Variants in GPC5 observed in about 807,000 individuals in gnomAD.
GPC5 encodes glypican-5.
A neutral mutation model predicts 53.9 loss-of-function variants in GPC5; 47 were observed. The ratio of observed to expected loss-of-function variants is 0.87; its 90% confidence interval spans 0.69 to 1.11. The LOEUF is 1.11. GPC5 is among the 50% of genes most tolerant of loss of function. The probability of loss-of-function intolerance (pLI) is 0.00; values close to 1 mark genes in which losing one functional copy is unlikely to be tolerated. For missense variants in GPC5, 748 were observed against 713.1 expected, an observed-to-expected ratio of 1.05 and a Z score of -0.56; for synonymous variants, 286 against 263.3, an observed-to-expected ratio of 1.09 and a Z score of -0.84.
At chr13:92,138,520 AAAAAAAT>A (rs145617703) in intron 6 of GPC5, among the ~76,000 whole-genome samples, 85,071 of 148,088 alleles carry the variant, frequency 0.57, 24,801 homozygotes, top group Non-Finnish European at 0.63. Context: ...ACTCCATCTC[AAAAAAAT>A]AAAAAATAAA....
At chr13:91,632,991 A>C (rs911906567) in intron 2 of GPC5, among the ~76,000 whole-genome samples, 4 of 152,180 alleles carry the variant, frequency 2.6e-5, no homozygotes, top group African/African-American at 7.2e-5. Flanking sequence ...CCCTCGACTA[A>C]ACCTGAAGAT....
At chr13:92,296,521 G>A (rs945623261) in intron 7 of GPC5, among the ~76,000 whole-genome samples, 6 of 152,152 alleles carry the variant, frequency 3.9e-5, no homozygotes, top group East Asian at 1.9e-4. Flanking sequence ...CAGAGCCCTC[G>A]CTTGCTCTCA....
chr13:91,577,121 G>A (rs1324211560), intron 2 of GPC5, among the ~76,000 whole-genome samples: 3 of 152,058 alleles, frequency 2.0e-5, no homozygotes, highest in African/African-American at 7.2e-5. Context: ...GGTTCTTCCT[G>A]TCTCCCTAGG....
intron 2 of GPC5, among the ~76,000 whole-genome samples, chr13:91,665,453 A>G (rs1566592645): frequency 6.6e-6 from 1 of 152,170 alleles, no homozygotes; most frequent in Non-Finnish European, 1.5e-5. Flanking sequence ...AGGTTGAACT[A>G]CAAGTGGTAA....
At chr13:92,202,731 G>T (rs2042304131) in intron 7 of GPC5, among the ~76,000 whole-genome samples, 1 of 152,082 alleles carries the variant, frequency 6.6e-6, no homozygotes, top group African/African-American at 2.4e-5. Flanking sequence ...GAACCTGAAG[G>T]TCACTTGAGT....
intron 6 of GPC5, among the ~76,000 whole-genome samples, chr13:91,981,261 G>C (rs920805617): frequency 1.3e-5 from 2 of 151,812 alleles, no homozygotes; most frequent in Non-Finnish European, 2.9e-5. Flanking sequence ...TGGCTCTTTG[G>C]AGAAGAAAAT....
At chr13:91,455,333 C>A (rs1362095700) in intron 2 of GPC5, among the ~76,000 whole-genome samples, 1 of 152,034 alleles carries the variant, frequency 6.6e-6, no homozygotes. Flanking sequence ...GGTTTGTGTG[C>A]ATTGTCATAT....
chr13:92,469,503 C>G (rs898587942), intron 7 of GPC5, among the ~76,000 whole-genome samples: 14 of 152,060 alleles, frequency 9.2e-5, no homozygotes, highest in African/African-American at 3.4e-4. Flanking sequence ...ATATGGTTAG[C>G]ATTATGATTA....
chr13:91,452,896 C>T lies in GPC5; in HGVS notation c.325+3974C>T, dbSNP rs1191426290. ...GATAAGGTTAAAATGTTATATCTTT[C>T]CTTAGAAATGAACCTTTTCTTATTT... is the stretch of plus-strand genomic sequence containing the variant. On this transcript the variant is annotated intron_variant, in intron 2 of 7. Transcript: ENST00000377067. Among the ~76,000 whole-genome samples the T allele has an allele frequency of 2.6e-5, 4 of 151,606 alleles. No homozygotes were observed. In the South Asian group the frequency reaches 6.3e-4, roughly 24 times the overall value.
At chr13:91,906,846 T>A (rs572525445) in intron 5 of GPC5, among the ~76,000 whole-genome samples, 28 of 152,108 alleles carry the variant, frequency 1.8e-4, no homozygotes, top group Admixed American at 1.6e-3. Context: ...AGATCTTTGT[T>A]TAGGTGAACC....
chr13:91,601,073 TTAA>T (rs1454466881), intron 2 of GPC5, among the ~76,000 whole-genome samples: 1 of 152,216 alleles, frequency 6.6e-6, no homozygotes, highest in East Asian at 1.9e-4. Flanking sequence ...AAGTCTGTTC[TTAA>T]TGATGTTTTC....
At chr13:91,403,823 A>G (rs1397374246) in intron 1 of GPC5, among the ~76,000 whole-genome samples, 1 of 152,176 alleles carries the variant, frequency 6.6e-6, no homozygotes, top group Non-Finnish European at 1.5e-5. Flanking sequence ...CATAGAATCC[A>G]ATGGCTCATC....
At chr13:92,331,936 G>A (rs1027117239) in intron 7 of GPC5, among the ~76,000 whole-genome samples, 1 of 151,978 alleles carries the variant, frequency 6.6e-6, no homozygotes, top group African/African-American at 2.4e-5. Flanking sequence ...TGGAGCCCTG[G>A]ATAAAATTTC....
chr13:91,498,701 A>C (rs61968042), intron 2 of GPC5, among the ~76,000 whole-genome samples: 1 of 152,006 alleles, frequency 6.6e-6, no homozygotes, highest in Non-Finnish European at 1.5e-5. Flanking sequence ...TAGGGGAGCC[A>C]GTTAGAAAGC....
At chr13:91,831,277 G>GT (rs1469463119) in intron 5 of GPC5, among the ~76,000 whole-genome samples, 2 of 151,330 alleles carry the variant, frequency 1.3e-5, no homozygotes, top group African/African-American at 4.9e-5. Flanking sequence ...AAAGATGCAG[G>GT]CTGGGAGGCT....
intron 6 of GPC5, among the ~76,000 whole-genome samples, chr13:92,122,274 G>A (rs2041655917): frequency 8.7e-6 from 1 of 115,484 alleles, no homozygotes; most frequent in Admixed American, 9.3e-5. Flanking sequence ...AAAACACAGC[G>A]CTTTTTTTTT....
intron 7 of GPC5, among the ~76,000 whole-genome samples, chr13:92,802,404 T>A (rs895030003): frequency 6.6e-5 from 10 of 151,812 alleles, no homozygotes; most frequent in Admixed American, 4.0e-4. Flanking sequence ...TTTGTATGTG[T>A]ATTTATTTAT....
intron 5 of GPC5, among the ~76,000 whole-genome samples, chr13:91,776,103 A>T (rs1422657769): frequency 1.3e-5 from 2 of 152,188 alleles, no homozygotes; most frequent in Admixed American, 6.5e-5. Flanking sequence ...CTGGGCATTC[A>T]TATATCCATG....
chr13:91,750,674 CTTT>C (rs752907631), intron 4 of GPC5, among the ~76,000 whole-genome samples: 1 of 82,016 alleles, frequency 1.2e-5, no homozygotes, highest in Non-Finnish European at 2.2e-5. Flanking sequence ...TAGGTAAGTC[CTTT>C]TTTTTTTTTT....
Sources: allele counts gnomAD v4.1 joint callset (sites outside exome capture counted in the v4.1 genomes callset), GRCh38; gene constraint gnomAD v4.1.1; transcripts MANE v1.5; gene names NCBI Gene and HGNC (gene_info 2026-07-23, HGNC 2026-07-21).